R3HDM1: variants seen among roughly 807,000 people sequenced by gnomAD.
R3HDM1 encodes R3H domain containing 1.
In R3HDM1, 46 loss-of-function variants were observed where a neutral mutation model predicts 141.1. That is an observed-to-expected ratio of 0.33 (90% CI 0.26 to 0.42). R3HDM1 has a LOEUF of 0.42. Among genes scored for constraint, R3HDM1 ranks in the 10% least tolerant of loss-of-function variants. The probability of loss-of-function intolerance (pLI) is 1.00; values close to 1 mark genes in which losing one functional copy is unlikely to be tolerated. For missense variants in R3HDM1, 1,184 were observed against 1,368.3 expected, an observed-to-expected ratio of 0.87 and a Z score of 2.12; for synonymous variants, 435 against 472.9, an observed-to-expected ratio of 0.92 and a Z score of 1.04.
chr2:135,597,050 C>G (rs1459179400), intron 1 of R3HDM1: 1 of 983,744 alleles, frequency 1.0e-6, no homozygotes, highest in African/African-American at 1.7e-5. Context: ...GCAGCACATT[C>G]GTGTAACACC....
intron 14 of R3HDM1, 137 bp from the exon 15 acceptor site, chr2:135,641,399 G>A: frequency 9.9e-7 from 1 of 1,006,092 alleles, no homozygotes; most frequent in Non-Finnish European, 1.4e-6. Context: ...AGCAAACGTG[G>A]ACAGTAAATT....
At chr2:135,542,869 G>C (rs1221376126) in intron 1 of R3HDM1, among the ~76,000 whole-genome samples, 1 of 152,256 alleles carries the variant, frequency 6.6e-6, no homozygotes, top group East Asian at 1.9e-4. Flanking sequence ...CTCCCGAGTA[G>C]CTGGGATTAC....
chr2:135,543,990 C>T (rs1254464222), intron 1 of R3HDM1, among the ~76,000 whole-genome samples: 1 of 152,212 alleles, frequency 6.6e-6, no homozygotes, highest in African/African-American at 2.4e-5. Flanking sequence ...AGCTCTGCCT[C>T]TTAACAACTG....
rs2076972832 is a variant in R3HDM1 at position 135,724,142 on chromosome 2, C to T, written c.3255C>T (p.Ala1085=). Residue 1085 remains alanine, a synonymous_variant, in exon 27 of 27, where the codon GCC becomes GCT. Coordinates refer to ENST00000683871, the MANE Select transcript of R3HDM1 (RefSeq NM_001378107.1). ...NPERSKPSDL[A]STYTVLATFP... ...AACGCTCTAAACCCAGTGACTTGGCCTCCACCTACACCGTCTTAGCCACAT... is the reference window on the plus strand; with the variant it reads ...AACGCTCTAAACCCAGTGACTTGGCTTCCACCTACACCGTCTTAGCCACAT... The T allele has an allele frequency of 1.9e-6, 3 of 1,614,110 alleles. No homozygotes were observed. The highest frequency in any genetic ancestry group is 2.2e-5 in the East Asian group (1 of 44,888).
chr2:135,625,288 A>G (rs1362994481), intron 7 of R3HDM1, among the ~76,000 whole-genome samples: 1 of 152,094 alleles, frequency 6.6e-6, no homozygotes, highest in Non-Finnish European at 1.5e-5. Context: ...CGTCTCTACT[A>G]AAAATACAAA....
chr2:135,581,071 A>AT (rs1418546761), intron 1 of R3HDM1: 1 of 546,540 alleles, frequency 1.8e-6, no homozygotes, highest in African/African-American at 2.1e-5. Flanking sequence ...CTTATATCTT[A>AT]TACTAGACCA....
chr2:135,545,608 T>C (rs191176212), intron 1 of R3HDM1, among the ~76,000 whole-genome samples: 1 of 152,282 alleles, frequency 6.6e-6, no homozygotes, highest in African/African-American at 2.4e-5. Context: ...TTCAGCAGTG[T>C]TTTCCTGTAG....
chr2:135,539,155 T>C (rs1344962765), intron 1 of R3HDM1, among the ~76,000 whole-genome samples: 1 of 152,216 alleles, frequency 6.6e-6, no homozygotes. Context: ...CTCCCTGAGC[T>C]GTTTGACAGT....
Position 135,623,537 on chromosome 2 carries a change from G to A in R3HDM1, c.497+805G>A, listed in dbSNP as rs150411474. 2.8e-3 allele frequency among the ~76,000 whole-genome samples: 432 copies of A among 152,194 alleles called. 2 individuals carry two copies. The highest frequency in any genetic ancestry group is 8.1e-3 in the Admixed American group (124 of 15,288). On this transcript the variant is annotated intron_variant, in intron 7 of 26. Transcript: ENST00000683871. ...CAGTACTATCTTGATTTTCTGTTTC[G>A]TATTTAATATCAACCCCAAAGAGAA...
intron 1 of R3HDM1, among the ~76,000 whole-genome samples, chr2:135,574,205 T>A (rs931988963): frequency 1.3e-5 from 2 of 152,256 alleles, no homozygotes; most frequent in South Asian, 4.1e-4. Flanking sequence ...TTTTAAAAAA[T>A]TTTAAAATCA....
chr2:135,603,416 A>G lies in R3HDM1; in HGVS notation c.-41+708A>G, dbSNP rs142538129. ...ACAAGATTTTATTACGAAAATTTTC[A>G]GAAATATAGAAAAGTTGAAAGAATT... On this transcript the variant is annotated intron_variant, in intron 2 of 26. Coordinates refer to ENST00000683871, the MANE Select transcript of R3HDM1 (RefSeq NM_001378107.1). Among the ~76,000 whole-genome samples the G allele has an allele frequency of 8.5e-5, 13 of 152,326 alleles. No homozygotes were observed. In the East Asian group the frequency reaches 2.3e-3, roughly 27 times the overall value.
intron 3 of R3HDM1, among the ~76,000 whole-genome samples, chr2:135,615,074 A>T (rs528799565): frequency 6.6e-6 from 1 of 151,756 alleles, no homozygotes; most frequent in South Asian, 2.1e-4. Flanking sequence ...TATTTTTTCT[A>T]TTTTCCTTTT....
intron 18 of R3HDM1, among the ~76,000 whole-genome samples, chr2:135,652,892 A>G (rs911263572): frequency 1.3e-5 from 2 of 151,650 alleles, no homozygotes; most frequent in East Asian, 1.9e-4. Context: ...TCATGTTTCA[A>G]ATTTGTTGTC....
intron 24 of R3HDM1, among the ~76,000 whole-genome samples, chr2:135,718,245 G>A (rs1247797915): frequency 6.6e-6 from 1 of 152,148 alleles, no homozygotes; most frequent in Non-Finnish European, 1.5e-5. Context: ...CTTTAAGGGG[G>A]TGGGGGAACA....
chr2:135,576,552 G>A (rs985180735), intron 1 of R3HDM1, among the ~76,000 whole-genome samples: 3 of 152,030 alleles, frequency 2.0e-5, no homozygotes, highest in African/African-American at 7.2e-5. Flanking sequence ...AATACAACAT[G>A]TACACAGGTT....
At chr2:135,539,421 AT>A (rs1489410747) in intron 1 of R3HDM1, among the ~76,000 whole-genome samples, 2 of 152,100 alleles carry the variant, frequency 1.3e-5, no homozygotes, top group Non-Finnish European at 2.9e-5. Context: ...GGTGCTAGGA[AT>A]TTTTCACCAA....
At chr2:135,548,912 G>A (rs891348196) in intron 1 of R3HDM1, among the ~76,000 whole-genome samples, 10 of 152,070 alleles carry the variant, frequency 6.6e-5, no homozygotes, top group African/African-American at 2.4e-4. Context: ...CTACTTCTTA[G>A]TCCTACATTT....
chr2:135,585,732 G>A (rs1025666718), intron 1 of R3HDM1, among the ~76,000 whole-genome samples: 1 of 152,174 alleles, frequency 6.6e-6, no homozygotes, highest in Non-Finnish European at 1.5e-5. Flanking sequence ...TAGCCAACAA[G>A]CATCTGACAT....
chr2:135,690,717 T>TTTTGTTTG (rs59210159), intron 21 of R3HDM1, among the ~76,000 whole-genome samples: 12 of 151,416 alleles, frequency 7.9e-5, no homozygotes, highest in Admixed American at 5.3e-4. Flanking sequence ...AAGAGGTTTT[T>TTTTGTTTG]TTTGTTTGTT....
Sources: gnomAD v4.1 joint callset for allele counts (sites outside exome capture counted in the v4.1 genomes callset) on GRCh38, gnomAD v4.1.1 for gene constraint, MANE v1.5 for transcripts, NCBI Gene and HGNC (gene_info 2026-07-23, HGNC 2026-07-21) for gene names.